KCNIP4: variants seen among roughly 807,000 people sequenced by gnomAD.
KCNIP4 encodes Kv channel-interacting protein 4.
Under a neutral mutation model 34.0 loss-of-function variants are expected in KCNIP4, and 12 were observed. The observed-to-expected ratio is 0.35, with a 90% CI of 0.23 to 0.57. KCNIP4 has a LOEUF of 0.57. Among genes scored for constraint, KCNIP4 ranks in the 20% least tolerant of loss-of-function variants. The pLI is 0.83. For synonymous variants in KCNIP4, 124 were observed against 102.2 expected (o/e 1.21, Z -1.29); for missense variants, 238 against 311.7 (o/e 0.76, Z 1.78).
intron 1 of KCNIP4, among the ~76,000 whole-genome samples, chr4:21,237,781 G>T (rs1043040133): frequency 1.3e-5 from 2 of 152,130 alleles, no homozygotes; most frequent in African/African-American, 4.8e-5. Context: ...TGGATTCACA[G>T]CCGAATTCTA....
intron 1 of KCNIP4, among the ~76,000 whole-genome samples, chr4:21,361,217 T>TA (rs2109406439): frequency 6.6e-6 from 1 of 152,210 alleles, no homozygotes; most frequent in Admixed American, 6.6e-5. Context: ...GACCTTACCT[T>TA]ATAACTTGTT....
intron 3 of KCNIP4, among the ~76,000 whole-genome samples, chr4:20,832,645 TACCTAC>T (rs67155846): frequency 0.19 from 28,711 of 151,758 alleles, 2,883 homozygotes; most frequent in South Asian, 0.4. Flanking sequence ...AATATTGGCC[TACCTAC>T]AATGGTTGAA....
chr4:21,252,843 C>T (rs909262882), intron 1 of KCNIP4, among the ~76,000 whole-genome samples: 1 of 151,558 alleles, frequency 6.6e-6, no homozygotes, highest in Non-Finnish European at 1.5e-5. Context: ...CAGCAAGGAC[C>T]CTCTGGAAGC....
At chr4:20,747,196 C>T (rs1189535299) in intron 5 of KCNIP4, among the ~76,000 whole-genome samples, 1 of 152,064 alleles carries the variant, frequency 6.6e-6, no homozygotes, top group Non-Finnish European at 1.5e-5. Context: ...ATCATTAACA[C>T]CATACTAAAT....
At chr4:21,101,175 G>A (rs139967727) in intron 1 of KCNIP4, among the ~76,000 whole-genome samples, 211 of 152,164 alleles carry the variant, frequency 1.4e-3, no homozygotes, top group African/African-American at 4.8e-3. Flanking sequence ...CCATCTGTAC[G>A]CATTGTTCAG....
intron 1 of KCNIP4, among the ~76,000 whole-genome samples, chr4:21,156,072 C>T (rs530146291): frequency 6.6e-6 from 1 of 152,110 alleles, no homozygotes; most frequent in Non-Finnish European, 1.5e-5. Flanking sequence ...TTATTCAGGT[C>T]AATATATTGA....
At chr4:21,419,491 C>T (rs893899271) in intron 1 of KCNIP4, among the ~76,000 whole-genome samples, 1 of 152,032 alleles carries the variant, frequency 6.6e-6, no homozygotes, top group African/African-American at 2.4e-5. Flanking sequence ...GGTGTTGCTT[C>T]TCCACCTATA....
intron 1 of KCNIP4, among the ~76,000 whole-genome samples, chr4:21,790,969 CAAAAAAAAAAAAAA>C (rs10560597): frequency 5.6e-5 from 5 of 89,630 alleles, no homozygotes; most frequent in Non-Finnish European, 1.1e-4. Flanking sequence ...GCGCACTCCA[CAAAAAAAAAAAAAA>C]AAAAAAAAAA....
At chr4:20,796,267 C>A (rs1343890347) in intron 3 of KCNIP4, among the ~76,000 whole-genome samples, 2 of 152,144 alleles carry the variant, frequency 1.3e-5, no homozygotes, top group Non-Finnish European at 2.9e-5. Context: ...TTGTCTAATG[C>A]CACCCAGTTG....
chr4:21,680,670 G>T (rs563462198), intron 1 of KCNIP4, among the ~76,000 whole-genome samples: 2 of 152,292 alleles, frequency 1.3e-5, no homozygotes, highest in African/African-American at 4.8e-5. Flanking sequence ...GTGTTAGCAG[G>T]CATGAAAATA....
At chr4:21,925,781 T>G (rs1212033282) in intron 1 of KCNIP4, among the ~76,000 whole-genome samples, 1 of 152,178 alleles carries the variant, frequency 6.6e-6, no homozygotes, top group African/African-American at 2.4e-5. Flanking sequence ...CCACTATATA[T>G]CAAGACCCCA....
At chr4:21,945,668 C>G (rs1255939464) in intron 1 of KCNIP4, among the ~76,000 whole-genome samples, 1 of 151,972 alleles carries the variant, frequency 6.6e-6, no homozygotes, top group Non-Finnish European at 1.5e-5. Context: ...ATTAAGGACA[C>G]CAATGAATAA....
intron 1 of KCNIP4, among the ~76,000 whole-genome samples, chr4:21,801,976 T>C (rs1398056427): frequency 6.6e-6 from 1 of 151,494 alleles, no homozygotes; most frequent in East Asian, 1.9e-4. Flanking sequence ...TAAAAAAGAA[T>C]AATTTTAGGT....
chr4:20,846,796 A>G (rs1267989377), intron 3 of KCNIP4, among the ~76,000 whole-genome samples: 5 of 152,170 alleles, frequency 3.3e-5, no homozygotes, highest in Admixed American at 3.3e-4. Flanking sequence ...CACCTTGTAT[A>G]TGTTATATAT....
At chr4:21,938,920 G>A (rs1415697229) in intron 1 of KCNIP4, among the ~76,000 whole-genome samples, 1 of 152,016 alleles carries the variant, frequency 6.6e-6, no homozygotes, top group Non-Finnish European at 1.5e-5. Context: ...TCATATAGGA[G>A]GTGATTGATA....
At chr4:21,234,216 T>C (rs1246477165) in intron 1 of KCNIP4, among the ~76,000 whole-genome samples, 4 of 99,712 alleles carry the variant, frequency 4.0e-5, no homozygotes, top group East Asian at 5.5e-4. Flanking sequence ...TAACGTATAT[T>C]ATATATAACA....
At chr4:21,134,536 G>A (rs984848624) in intron 1 of KCNIP4, among the ~76,000 whole-genome samples, 51 of 152,148 alleles carry the variant, frequency 3.4e-4, no homozygotes, top group Admixed American at 3.3e-3. Context: ...ACCTCTGTAA[G>A]TGTCAACTGT....
intron 1 of KCNIP4, among the ~76,000 whole-genome samples, chr4:20,892,922 A>G (rs1726090089): frequency 6.6e-6 from 1 of 152,190 alleles, no homozygotes; most frequent in East Asian, 1.9e-4. Context: ...ACAATTTGCC[A>G]AAACTACTTC....
At chr4:21,829,405 C>T (rs1368439827) in intron 1 of KCNIP4, among the ~76,000 whole-genome samples, 1 of 151,878 alleles carries the variant, frequency 6.6e-6, no homozygotes, top group African/African-American at 2.4e-5. Flanking sequence ...CTCTATTAAT[C>T]ATAGATTTCA....
Sources: allele counts gnomAD v4.1 joint callset (sites outside exome capture counted in the v4.1 genomes callset), GRCh38; gene constraint gnomAD v4.1.1; transcripts MANE v1.5; gene names NCBI Gene and HGNC (gene_info 2026-07-23, HGNC 2026-07-21).